RANBP17: variants seen among roughly 807,000 people sequenced by gnomAD.
The protein encoded by RANBP17 is RAN binding protein 17, also known as ran-binding protein 17.
A neutral mutation model predicts 141.2 loss-of-function variants in RANBP17; 158 were observed. That is an observed-to-expected ratio of 1.12 (90% CI 0.98 to 1.28). RANBP17 has a LOEUF of 1.28. Among genes scored for constraint, RANBP17 ranks in the 50% most tolerant of loss-of-function variants. RANBP17 has a pLI of 0.00. For missense variants in RANBP17, 1,438 were observed against 1,290.7 expected (o/e 1.11, Z -1.75); for synonymous variants, 430 against 450.0 (o/e 0.96, Z 0.56).
intron 25 of RANBP17, among the ~76,000 whole-genome samples, chr5:171,281,290 G>C (rs545965497): frequency 1.3e-5 from 2 of 152,308 alleles, no homozygotes; most frequent in South Asian, 4.2e-4. Context: ...GGTCTGAAGA[G>C]AAATCTCTTA....
intron 14 of RANBP17, among the ~76,000 whole-genome samples, chr5:170,994,818 T>C (rs973296314): frequency 1.3e-5 from 2 of 152,082 alleles, no homozygotes; most frequent in African/African-American, 2.4e-5. Context: ...CATAAATGAC[T>C]CATTATATTC....
intron 14 of RANBP17, among the ~76,000 whole-genome samples, chr5:171,014,509 T>C (rs1362411063): frequency 6.6e-6 from 1 of 152,050 alleles, no homozygotes; most frequent in Non-Finnish European, 1.5e-5. Context: ...TCCTTAATTA[T>C]CACTGTCCCC....
intron 7 of RANBP17, 40 bp from the exon 8 acceptor site, chr5:170,914,127 A>G (rs1449465245): frequency 1.5e-6 from 2 of 1,304,986 alleles, no homozygotes; most frequent in Non-Finnish European, 2.2e-6. Context: ...AGATCACTGA[A>G]TTGAAAGTAA....
At position 171,054,653 on chromosome 5, in the gene RANBP17, C is replaced by T. The variant is rs191103661; in HGVS notation, c.1710+86276C>T. 1.3e-3 allele frequency among the ~76,000 whole-genome samples: 202 copies of T among 152,280 alleles called. 1 individual carries two copies. The highest frequency in any genetic ancestry group is 4.6e-3 in the African/African-American group (193 of 41,560). On this transcript the variant is annotated intron_variant, in intron 14 of 27. Transcript: ENST00000523189. ...CTTTGTGACCTGTACCTTTTGCCGA[C>T]CTTCTGTCTCATCCTGTGACTTAGA...
chr5:171,116,505 TA>T (rs1755643143), intron 14 of RANBP17, among the ~76,000 whole-genome samples: 1 of 152,236 alleles, frequency 6.6e-6, no homozygotes, highest in African/African-American at 2.4e-5. Context: ...TTTCTTTTTT[TA>T]AAATTCGTTT....
intron 1 of RANBP17, among the ~76,000 whole-genome samples, chr5:170,862,944 G>T (rs1382636519): frequency 6.6e-6 from 1 of 152,232 alleles, no homozygotes; most frequent in East Asian, 1.9e-4. Flanking sequence ...CCAGCCAAAT[G>T]TGTATGTTGA....
intron 14 of RANBP17, among the ~76,000 whole-genome samples, chr5:171,048,313 G>C (rs979746499): frequency 6.6e-6 from 1 of 152,170 alleles, no homozygotes; most frequent in Admixed American, 6.5e-5. Context: ...TCCTATCTCA[G>C]TCTTTCAAAG....
intron 14 of RANBP17, among the ~76,000 whole-genome samples, chr5:171,125,156 G>A (rs979907699): frequency 6.6e-6 from 1 of 152,074 alleles, no homozygotes; most frequent in African/African-American, 2.4e-5. Flanking sequence ...AATTAGCCAG[G>A]CGTGGTGGCA....
intron 14 of RANBP17, among the ~76,000 whole-genome samples, chr5:171,129,352 G>A (rs1756733353): frequency 6.6e-6 from 1 of 152,132 alleles, no homozygotes; most frequent in African/African-American, 2.4e-5. Flanking sequence ...CCTGACTCGG[G>A]TGATATTTCA....
At chr5:170,925,872 A>G (rs773953102) in intron 12 of RANBP17, among the ~76,000 whole-genome samples, 10 of 152,168 alleles carry the variant, frequency 6.6e-5, no homozygotes, top group Non-Finnish European at 1.3e-4. Flanking sequence ...GCATATAGCT[A>G]TAGTTCCTTC....
chr5:171,046,028 G>C (rs2127642794), intron 14 of RANBP17, among the ~76,000 whole-genome samples: 1 of 152,140 alleles, frequency 6.6e-6, no homozygotes, highest in Admixed American at 6.5e-5. Context: ...AATCCTCCAT[G>C]TTTTTACAAT....
At chr5:171,225,916 C>T (rs1436865402) in intron 22 of RANBP17, among the ~76,000 whole-genome samples, 1 of 152,200 alleles carries the variant, frequency 6.6e-6, no homozygotes, top group Non-Finnish European at 1.5e-5. Flanking sequence ...GCTCCTCTTG[C>T]CGTTACAGCT....
At chr5:171,063,889 G>A (rs1301927087) in intron 14 of RANBP17, among the ~76,000 whole-genome samples, 1 of 152,198 alleles carries the variant, frequency 6.6e-6, no homozygotes, top group Non-Finnish European at 1.5e-5. Flanking sequence ...CCCCAGCCTC[G>A]CTGCTGCCTT....
At chr5:170,974,680 C>G (rs11134674) in intron 14 of RANBP17, among the ~76,000 whole-genome samples, 2 of 151,942 alleles carry the variant, frequency 1.3e-5, no homozygotes, top group East Asian at 3.9e-4. Flanking sequence ...ATTTTTGGAA[C>G]TGGAGGTGGC....
intron 9 of RANBP17, among the ~76,000 whole-genome samples, chr5:170,917,920 T>C (rs1242700353): frequency 6.6e-6 from 1 of 152,172 alleles, no homozygotes; most frequent in Admixed American, 6.5e-5. Flanking sequence ...TTTTCTTTAA[T>C]AGGTACTATT....
At chr5:170,949,630 AG>A (rs1443082805) in intron 12 of RANBP17, among the ~76,000 whole-genome samples, 1 of 152,338 alleles carries the variant, frequency 6.6e-6, no homozygotes, top group African/African-American at 2.4e-5. Context: ...GTGGGAATGT[AG>A]AATGGTGCAG....
intron 21 of RANBP17, among the ~76,000 whole-genome samples, chr5:171,220,507 G>A (rs1159616548): frequency 6.9e-6 from 1 of 145,368 alleles, no homozygotes; most frequent in African/African-American, 2.6e-5. Context: ...GGAGCGCAGT[G>A]GCCCTATCTC....
At chr5:171,139,730 A>T (rs1252783248) in intron 14 of RANBP17, among the ~76,000 whole-genome samples, 1 of 152,012 alleles carries the variant, frequency 6.6e-6, no homozygotes, top group Non-Finnish European at 1.5e-5. Flanking sequence ...TTGAATCCTG[A>T]CTCTTTTCTC....
At chr5:171,007,971 A>C (rs964158711) in intron 14 of RANBP17, among the ~76,000 whole-genome samples, 11 of 152,210 alleles carry the variant, frequency 7.2e-5, no homozygotes, top group Non-Finnish European at 1.3e-4. Context: ...TGAGCAGCCA[A>C]AGCAGGCATC....
Sources: allele counts gnomAD v4.1 joint callset (sites outside exome capture counted in the v4.1 genomes callset), GRCh38; gene constraint gnomAD v4.1.1; transcripts MANE v1.5; gene names NCBI Gene and HGNC (gene_info 2026-07-23, HGNC 2026-07-21).